Variants in ZNF710 observed in about 807,000 individuals in gnomAD.
ZNF710 encodes zinc finger protein 710.
In ZNF710, 13 loss-of-function variants were observed where a neutral mutation model predicts 50.6. The observed-to-expected ratio is 0.26, with a 90% CI of 0.17 to 0.41. ZNF710 has a LOEUF of 0.41. Among genes scored for constraint, ZNF710 ranks in the 10% least tolerant of loss-of-function variants. The pLI is 1.00. For missense variants in ZNF710, 721 were observed against 936.6 expected, an observed-to-expected ratio of 0.77 and a Z score of 3.01; for synonymous variants, 383 against 397.0, an observed-to-expected ratio of 0.96 and a Z score of 0.42.
intron 1 of ZNF710, among the ~76,000 whole-genome samples, chr15:90,048,891 C>A (rs140155669): frequency 6.6e-6 from 1 of 152,322 alleles, no homozygotes; most frequent in African/African-American, 2.4e-5. Context: ...CCTGGCAACC[C>A]AGGGGCTCCC....
rs369673713 is a variant in ZNF710, at chr15:90,010,927, TG to T, written c.-29+9314del. On this transcript the variant is annotated intron_variant, in intron 1 of 4. Transcript: ENST00000268154. ...CTGTTTTTTATTGTTGTTGGTTTTT[TG>T]TTTTTTTTTTTTTTTTTTTTGAGAC... Among the ~76,000 whole-genome samples the T allele has an allele frequency of 8.2e-3, 940 of 114,826 alleles. 6 individuals carry two copies. Among genetic ancestry groups the T allele is most frequent in the African/African-American group, 0.024 (693 of 28,908 alleles). The allele number at this position is 114,826 out of a possible 152,430, so 75.3% of individuals were successfully genotyped here.
chr15:90,039,172 G>A (rs111419581), intron 1 of ZNF710, among the ~76,000 whole-genome samples: 183 of 152,142 alleles, frequency 1.2e-3, no homozygotes, highest in Non-Finnish European at 2.3e-3. Context: ...CCAGCTACTC[G>A]GGAGGCTGAG....
Position 90,063,285 on chromosome 15 carries a change from C to G in ZNF710, c.-28-3825C>G, listed in dbSNP as rs556787221. Among the ~76,000 whole-genome samples, 70 of 152,258 alleles carry G rather than the reference C, an allele frequency of 4.6e-4. No individual in the cohort carries two copies. In the Middle Eastern group the frequency reaches 0.014, roughly 30 times the overall value. ...CACGGGCCTGGCTGCAGACCCAACT[C>G]CCCCTTCATTGATGGGGCACTTGGG... is the stretch of plus-strand genomic sequence containing the variant. On this transcript the variant is annotated intron_variant, in intron 1 of 4. Transcript: ENST00000268154.
intron 1 of ZNF710, among the ~76,000 whole-genome samples, chr15:90,018,689 G>A (rs1434316584): frequency 3.3e-5 from 5 of 152,188 alleles, no homozygotes; most frequent in Non-Finnish European, 7.3e-5. Context: ...TACAGTGACT[G>A]GAAGGGCCCA....
intron 1 of ZNF710, among the ~76,000 whole-genome samples, chr15:90,033,830 C>T (rs1899021270): frequency 6.6e-6 from 1 of 152,158 alleles, no homozygotes. Context: ...TCCTGCCTGG[C>T]CTGGGTATGG....
intron 1 of ZNF710, among the ~76,000 whole-genome samples, chr15:90,064,846 T>C (rs1299345519): frequency 6.6e-6 from 1 of 152,212 alleles, no homozygotes; most frequent in Non-Finnish European, 1.5e-5. Context: ...GCTTCACCTG[T>C]GTTAGGACCG....
At chr15:90,005,496 T>G (rs1339737999) in intron 1 of ZNF710, among the ~76,000 whole-genome samples, 1 of 152,192 alleles carries the variant, frequency 6.6e-6, no homozygotes, top group Non-Finnish European at 1.5e-5. Context: ...TTCACCAGGC[T>G]GGAGTGCAGT....
At chr15:90,004,126 A>T (rs191890538) in intron 1 of ZNF710, among the ~76,000 whole-genome samples, 2 of 152,154 alleles carry the variant, frequency 1.3e-5, no homozygotes, top group East Asian at 1.9e-4. Flanking sequence ...CCAACCAGGC[A>T]TTTCCTACCA....
chr15:90,012,886 T>C (rs1437131335), intron 1 of ZNF710, among the ~76,000 whole-genome samples: 1 of 152,146 alleles, frequency 6.6e-6, no homozygotes, highest in Non-Finnish European at 1.5e-5. Flanking sequence ...GCTCGGTCTT[T>C]TAAAAAACAA....
At chr15:90,037,854 T>C (rs1567229675) in intron 1 of ZNF710, among the ~76,000 whole-genome samples, 1 of 152,226 alleles carries the variant, frequency 6.6e-6, no homozygotes, top group Non-Finnish European at 1.5e-5. Flanking sequence ...AGTATTCTAA[T>C]ACGGTCGCTA....
intron 1 of ZNF710, among the ~76,000 whole-genome samples, chr15:90,033,855 C>T (rs974338274): frequency 1.3e-5 from 2 of 152,184 alleles, no homozygotes; most frequent in Non-Finnish European, 2.9e-5. Context: ...GTGGGCGCTA[C>T]CAGCTGTGCA....
chr15:90,015,809 CT>C (rs1898438387), intron 1 of ZNF710, among the ~76,000 whole-genome samples: 1 of 152,142 alleles, frequency 6.6e-6, no homozygotes, highest in Non-Finnish European at 1.5e-5. Flanking sequence ...CAAGGTCTCA[CT>C]ATATTGCCCA....
In ZNF710 at chr15:90,080,704, G is replaced by A. The variant is rs1172658995; in HGVS notation, c.*875G>A. On this transcript the variant is annotated 3_prime_UTR_variant, in exon 5 of 5. Coordinates refer to ENST00000268154, the MANE Select transcript of ZNF710 (RefSeq NM_198526.4). ...GGCCCAGGACCACCTGTCGGGGAGGGGGACCGCAGTCATTTCTCATTCCTC... is the reference window on the plus strand; with the variant it reads ...GGCCCAGGACCACCTGTCGGGGAGGAGGACCGCAGTCATTTCTCATTCCTC... 1 of 152,402 alleles carries A rather than the reference G, an allele frequency of 6.6e-6. No individual in the cohort carries two copies. The highest frequency in any genetic ancestry group is 1.9e-4 in the East Asian group (1 of 5,166). The allele number at this position is 152,402 out of a possible 1,614,324, so 9.4% of individuals were successfully genotyped here. A position where few individuals can be genotyped will look rare whatever the true frequency, so the allele number is the denominator to read the frequency against.
intron 4 of ZNF710, chr15:90,076,017 C>T (rs1190175637): frequency 6.6e-6 from 1 of 152,226 alleles, no homozygotes; most frequent in Non-Finnish European, 1.5e-5. Context: ...AAACAAAGTG[C>T]TGGCCCCACC....
intron 1 of ZNF710, among the ~76,000 whole-genome samples, chr15:90,002,096 C>A (rs1898027967): frequency 6.6e-6 from 1 of 151,158 alleles, no homozygotes; most frequent in African/African-American, 2.4e-5. Context: ...CGTGGGTGTC[C>A]CGGTGCTGGG....
chr15:90,060,539 G>C (rs1899974097), intron 1 of ZNF710, among the ~76,000 whole-genome samples: 1 of 151,942 alleles, frequency 6.6e-6, no homozygotes, highest in African/African-American at 2.4e-5. Flanking sequence ...GGACAATAGA[G>C]GAAGGCCCAT....
chr15:90,070,366 T>TA (rs199577624), intron 2 of ZNF710, among the ~76,000 whole-genome samples: 1,686 of 145,974 alleles, frequency 0.012, 18 homozygotes, highest in Non-Finnish European at 0.016. Context: ...TTTTTTTTTT[T>TA]AAGAAAAAAA....
chr15:90,008,427 T>TATATATATATAC (rs1898196946), intron 1 of ZNF710, among the ~76,000 whole-genome samples: 56 of 135,058 alleles, frequency 4.1e-4, no homozygotes, highest in African/African-American at 1.7e-3. Context: ...TGTGTGTGTG[T>TATATATATATAC]ATATATATAT....
intron 1 of ZNF710, chr15:90,025,625 G>A (rs1458609076): frequency 6.6e-6 from 1 of 151,938 alleles, no homozygotes; most frequent in African/African-American, 2.4e-5. Context: ...TAACATTATG[G>A]CAAACAAAAA....
Sources: gnomAD v4.1 joint callset for allele counts (sites outside exome capture counted in the v4.1 genomes callset) on GRCh38, gnomAD v4.1.1 for gene constraint, MANE v1.5 for transcripts, NCBI Gene and HGNC (gene_info 2026-07-23, HGNC 2026-07-21) for gene names.